The following PHF19 variants were observed in gnomAD, a reference collection of about 807,000 sequenced individuals.
PHF19 encodes the protein PHD finger protein 19.
Under a neutral mutation model 79.8 loss-of-function variants are expected in PHF19, and 21 were observed. The observed-to-expected ratio is 0.26, with a 90% CI of 0.19 to 0.38. The LOEUF (loss-of-function observed/expected upper bound fraction) is 0.38, where lower values mean the gene tolerates loss of function less well. Ranked by LOEUF, PHF19 falls within the 10% of genes least tolerant of loss-of-function variation. PHF19 has a pLI of 1.00. For synonymous variants in PHF19, 273 were observed against 296.3 expected, an observed-to-expected ratio of 0.92 and a Z score of 0.81; for missense variants, 445 against 744.2, an observed-to-expected ratio of 0.60 and a Z score of 4.68.
chr9:120,898,577 G>T (rs12349367), upstream of PHF19, among the ~76,000 whole-genome samples: 137 of 152,200 alleles, frequency 9.0e-4, no homozygotes, highest in African/African-American at 3.2e-3. Flanking sequence ...AGTCTGTTCA[G>T]AACTAAAACT....
chr9:120,881,772 G>A (rs559427189), upstream of PHF19, among the ~76,000 whole-genome samples: 1 of 152,078 alleles, frequency 6.6e-6, no homozygotes, highest in East Asian at 1.9e-4. Flanking sequence ...TTGTTTGTTT[G>A]TTTATTTGAG....
intron 1 of PHF19, among the ~76,000 whole-genome samples, chr9:120,889,755 AAGAG>A (rs373022700): frequency 1.6e-4 from 24 of 151,360 alleles, no homozygotes; most frequent in Admixed American, 2.0e-4. Flanking sequence ...GAAAAAAAGA[AAGAG>A]AGAGAGAGAG....
At position 120,874,294 on chromosome 9, in the gene PHF19, C is replaced by A. The variant is rs1430445163; in HGVS notation, c.187-234G>T. Among the ~76,000 whole-genome samples, 1 of 152,180 alleles carries A rather than the reference C, an allele frequency of 6.6e-6. No individual in the cohort carries two copies. The highest frequency in any genetic ancestry group is 2.4e-5 in the African/African-American group (1 of 41,436). ...TGAGGACAGAAGCACAAGTCAGATG[C>A]TCCTCTGTGATCCTCTCAAACCTGA... On this transcript the variant is annotated intron_variant, in intron 2 of 14. Coordinates refer to ENST00000373896, the MANE Select transcript of PHF19 (RefSeq NM_015651.3). The surrounding 1 kb of genome is among the most constrained non-coding windows in gnomAD (Gnocchi z 4.5).
intron 1 of PHF19, among the ~76,000 whole-genome samples, chr9:120,892,545 C>T (rs2046356084): frequency 6.6e-6 from 1 of 152,158 alleles, no homozygotes; most frequent in African/African-American, 2.4e-5. Flanking sequence ...GTCTTATGGA[C>T]ACTGAATTGC....
At chr9:120,872,820 C>G (rs890106869) in intron 3 of PHF19, among the ~76,000 whole-genome samples, 3 of 151,794 alleles carry the variant, frequency 2.0e-5, no homozygotes, top group Admixed American at 2.0e-4. Context: ...CAGGGTTTTA[C>G]TGTGTTGGTC....
the PHF19 span, among the ~76,000 whole-genome samples, chr9:120,902,138 G>A: frequency 6.6e-6 from 1 of 152,182 alleles, no homozygotes; most frequent in Non-Finnish European, 1.5e-5. Flanking sequence ...AACCTGAATG[G>A]CTTCCCGTTG....
intron 3 of PHF19, among the ~76,000 whole-genome samples, chr9:120,872,633 A>T (rs2045936117): frequency 6.6e-6 from 1 of 151,834 alleles, no homozygotes; most frequent in Non-Finnish European, 1.5e-5. Context: ...TCTTCTTGGC[A>T]GGCTTCTTGG....
At position 120,891,317 on chromosome 9, in the gene PHF19, C is replaced by G. The variant is rs1293396685; in HGVS notation, c.42+3471G>C. 2.0e-5 allele frequency among the ~76,000 whole-genome samples: 3 copies of G among 151,920 alleles called. No homozygotes were observed. The highest frequency in any genetic ancestry group is 3.9e-4 in the East Asian group (2 of 5,186). ...TCCCTCCCCTCCCCTCTCTGAGGAA[C>G]TTGGTCCAGCTACAGTCAATATCTA... On this transcript the variant is annotated intron_variant, in intron 1 of 14. Coordinates refer to the PHF19 transcript ENST00000616568. This position sits in a 1 kb window ranked among gnomAD's most constrained non-coding sequence, Gnocchi z 4.3.
intron 14 of PHF19, 110 bp downstream of exon 14, chr9:120,859,980 G>A (rs545353497): frequency 1.0e-4 from 69 of 685,782 alleles, no homozygotes; most frequent in Admixed American, 3.9e-4. Flanking sequence ...CTCCCCGCCA[G>A]AGACTGAGAC....
intron 8 of PHF19, 68 bp downstream of exon 8, chr9:120,865,960 C>CAGGAGGG: frequency 6.4e-7 from 1 of 1,572,916 alleles, no homozygotes. Context: ...GGAATTGTTC[C>CAGGAGGG]AGGAGGGAGG....
At chr9:120,865,996 A>C (rs748494906) in intron 8 of PHF19, 32 bp downstream of exon 8, 2 of 1,586,120 alleles carry the variant, frequency 1.3e-6, no homozygotes, top group Non-Finnish European at 1.7e-6. Context: ...TGGGAGGAGC[A>C]GCGGTGGTTG....
At position 120,861,935 on chromosome 9, in the gene PHF19, C is replaced by T. The variant is rs2045539923; in HGVS notation, c.1201G>A (p.Glu401Lys). ...GAACTAACACTGGGAATAGCATCTT[C>T]CAGCAAAAACTTTGATCTTTTTCTT... The part of the protein sequence containing the change: ...YRRKRSKFLL[E>K]DAIPSSDFTS... The change falls in exon 12 of 15, where the codon GAA (glutamate) becomes AAA (lysine). Residue 401 changes from glutamate to lysine, a missense_variant. Coordinates refer to ENST00000373896, the MANE Select transcript of PHF19 (RefSeq NM_015651.3). 6.2e-7 allele frequency: 1 copy of T among 1,611,552 alleles called. No homozygotes were observed. Among genetic ancestry groups the T allele is most frequent in the Non-Finnish European group, 8.5e-7 (1 of 1,177,624 alleles).
Position 120,870,562 on chromosome 9 carries a change from C to T in PHF19, c.269-24G>A, listed in dbSNP as rs1036816946. ...GGCTGAAAGAGAGGGCCTCGAGGGT[C>T]GGGTCCAGCTCACAGGAATGGAAGT... is the stretch of plus-strand genomic sequence containing the variant. On this transcript the variant is annotated intron_variant, in intron 3 of 14. Coordinates refer to ENST00000373896, the MANE Select transcript of PHF19 (RefSeq NM_015651.3). The surrounding 1 kb of genome is among the most constrained non-coding windows in gnomAD (Gnocchi z 4.4). 15 of 1,386,914 alleles carry T rather than the reference C, an allele frequency of 1.1e-5. No individual in the cohort carries two copies. The highest frequency in any genetic ancestry group is 2.3e-5 in the South Asian group (2 of 86,578). The allele number at this position is 1,386,914 out of a possible 1,614,324, so 85.9% of individuals were successfully genotyped here.
chr9:120,862,612 C>T lies in PHF19; in HGVS notation c.1106G>A (p.Arg369His), dbSNP rs150134029. 48 of 1,613,796 alleles carry T rather than the reference C, an allele frequency of 3.0e-5. No individual in the cohort carries two copies. The Admixed American group carries it at 4.8e-4, about 16-fold the overall frequency. The change falls in exon 11 of 15, where the codon CGT becomes CAT. Residue 369 changes from arginine (R) to histidine (H), a missense_variant. This residue lies in a region of PHF19 where 83 missense variants were observed against 85.5 expected (regional missense o/e 0.97). Transcript: ENST00000373896. The surrounding 1 kb of genome is among the most constrained non-coding windows in gnomAD (Gnocchi z 4.6). The part of the protein sequence containing the change: ...PNENSASSEL[R>H]KRGKSKPGLL... ...CCCAGGCTTGCTCTTTCCTCTCTTA[C>T]GCAGCTCAGAGGAGGCGCTGTTCTC...
intron 9 of PHF19, among the ~76,000 whole-genome samples, 186 bp downstream of exon 9, chr9:120,865,524 C>T (rs1456906037): frequency 6.6e-6 from 1 of 152,176 alleles, no homozygotes; most frequent in Non-Finnish European, 1.5e-5. Flanking sequence ...TGGGGAGGCC[C>T]CAACCTGCCC....
upstream of PHF19, among the ~76,000 whole-genome samples, chr9:120,878,328 G>T (rs59629527): frequency 1.2e-4 from 18 of 152,282 alleles, no homozygotes; most frequent in South Asian, 4.1e-4. Flanking sequence ...CCTGCCCTGT[G>T]GGGGAAAGGC....
In PHF19 at chr9:120,866,821, C is replaced by G. The variant is rs2045717291; in HGVS notation, c.710+49G>C. The G allele has an allele frequency of 9.9e-7, 1 of 1,007,282 alleles. No homozygotes were observed. The highest frequency in any genetic ancestry group is 1.6e-5 in the African/African-American group (1 of 63,516). The allele number at this position is 1,007,282 out of a possible 1,614,324, so 62.4% of individuals were successfully genotyped here. On this transcript the variant is annotated intron_variant, in intron 7 of 14. Coordinates refer to ENST00000373896, the MANE Select transcript of PHF19 (RefSeq NM_015651.3). This position sits in a 1 kb window ranked among gnomAD's most constrained non-coding sequence, Gnocchi z 5.2. The stretch of plus-strand genomic sequence containing the variant: ...GCAGGAGTTGTTGCTGCCATCCCTG[C>G]CCTCTCCCCACCACGCCCAAGGCCC...
chr9:120,870,597 A>C lies in PHF19; in HGVS notation c.269-59T>G. Reference sequence around the variant, plus strand: ...TCACAGGAATGGAAGTTTTATACTCACATTCCAGATGCCCAGCCTCTAATG... The same window carrying C: ...TCACAGGAATGGAAGTTTTATACTCCCATTCCAGATGCCCAGCCTCTAATG... On this transcript the variant is annotated intron_variant, in intron 3 of 14. Transcript: ENST00000373896. This position sits in a 1 kb window ranked among gnomAD's most constrained non-coding sequence, Gnocchi z 4.4. 3.0e-6 allele frequency: 3 copies of C among 998,656 alleles called. No homozygotes were observed. The highest frequency in any genetic ancestry group is 4.8e-6 in the Non-Finnish European group (3 of 620,262). 61.9% of individuals were successfully genotyped at this position (998,656 alleles called of 1,614,324 possible). A position where few individuals can be genotyped will look rare whatever the true frequency, so the allele number is the denominator to read the frequency against.
chr9:120,889,558 T>G (rs1024131666), intron 1 of PHF19, among the ~76,000 whole-genome samples: 1 of 151,268 alleles, frequency 6.6e-6, no homozygotes, highest in Non-Finnish European at 1.5e-5. Context: ...CTGGGCCACA[T>G]GGCGAAACCC....
Sources: allele counts gnomAD v4.1 joint callset (sites outside exome capture counted in the v4.1 genomes callset), GRCh38; gene constraint gnomAD v4.1.1; regional missense constraint gnomAD v4.1.1; non-coding constraint Gnocchi (gnomAD v3.1); transcripts MANE v1.5; gene names NCBI Gene and HGNC (gene_info 2026-07-23, HGNC 2026-07-21).